EYS: variants seen among roughly 807,000 people sequenced by gnomAD.
EYS encodes the protein EGF-like photoreceptor maintenance factor.
Under a neutral mutation model 282.1 loss-of-function variants are expected in EYS, and 250 were observed. That is an observed-to-expected ratio of 0.89 (90% CI 0.80 to 0.98). The LOEUF is 0.98. Ranked by LOEUF, EYS falls within the 50% of genes least tolerant of loss-of-function variation. The probability of loss-of-function intolerance (pLI) is 0.00; values close to 1 mark genes in which losing one functional copy is unlikely to be tolerated. For synonymous variants in EYS, 1,355 were observed against 1,282.9 expected (o/e 1.06, Z -1.20); for missense variants, 4,016 against 3,709.0 (o/e 1.08, Z -2.15).
chr6:65,581,397 A>G (rs1382720047), intron 2 of EYS, among the ~76,000 whole-genome samples: 1 of 150,412 alleles, frequency 6.6e-6, no homozygotes, highest in Admixed American at 6.7e-5. Context: ...CTATTTCTAT[A>G]CAATCAGAAA....
chr6:65,295,775 T>C, intron 12 of EYS, 88 bp downstream of exon 12: 1 of 1,120,016 alleles, frequency 8.9e-7, no homozygotes, highest in Non-Finnish European at 1.3e-6. Context: ...AATAGACACA[T>C]TTGAGATATA....
intron 29 of EYS, among the ~76,000 whole-genome samples, chr6:64,362,005 A>G (rs1406000960): frequency 6.6e-6 from 1 of 151,768 alleles, no homozygotes; most frequent in East Asian, 1.9e-4. Context: ...TTTCCAGAAA[A>G]ATTTTTAATT....
chr6:65,067,659 A>C (rs1001461979), intron 12 of EYS, among the ~76,000 whole-genome samples: 1 of 152,064 alleles, frequency 6.6e-6, no homozygotes, highest in Non-Finnish European at 1.5e-5. Context: ...ACACCTAAAA[A>C]ATAGAAGATT....
At chr6:64,550,495 C>G (rs958918937) in intron 26 of EYS, among the ~76,000 whole-genome samples, 10 of 152,158 alleles carry the variant, frequency 6.6e-5, no homozygotes, top group Non-Finnish European at 1.2e-4. Flanking sequence ...GACAAATCCA[C>G]AGCCAATATC....
intron 11 of EYS, among the ~76,000 whole-genome samples, chr6:65,333,904 T>G (rs1239039898): frequency 6.7e-6 from 1 of 149,706 alleles, no homozygotes; most frequent in Non-Finnish European, 1.5e-5. Flanking sequence ...CTTGATGCAG[T>G]TTGAATGATA....
chr6:63,945,428 G>C (rs1168934349), intron 35 of EYS, among the ~76,000 whole-genome samples: 3 of 152,198 alleles, frequency 2.0e-5, no homozygotes, highest in African/African-American at 7.2e-5. Context: ...GATGAGAATT[G>C]GGTGGTGACA....
intron 22 of EYS, among the ~76,000 whole-genome samples, chr6:64,662,004 C>A (rs1320226803): frequency 6.6e-6 from 1 of 151,838 alleles, no homozygotes; most frequent in Non-Finnish European, 1.5e-5. Context: ...CAATGATAGA[C>A]TCAATTAAGA....
intron 12 of EYS, among the ~76,000 whole-genome samples, chr6:65,229,284 G>GA (rs1234813798): frequency 3.3e-5 from 5 of 151,418 alleles, no homozygotes; most frequent in Admixed American, 3.3e-4. Context: ...AAAAGAAAAA[G>GA]AAAAAAAGGA....
chr6:64,070,890 C>G (rs559080537), intron 32 of EYS, among the ~76,000 whole-genome samples: 1 of 152,112 alleles, frequency 6.6e-6, no homozygotes, highest in Non-Finnish European at 1.5e-5. Flanking sequence ...TTCATTATGA[C>G]TTTTACACCA....
At chr6:63,767,527 G>C (rs1237826344) in intron 40 of EYS, among the ~76,000 whole-genome samples, 2 of 152,004 alleles carry the variant, frequency 1.3e-5, no homozygotes, top group African/African-American at 4.8e-5. Context: ...AACCAAGGAG[G>C]TGAAAGATCT....
At chr6:64,748,333 C>CAT (rs1772625752) in intron 22 of EYS, among the ~76,000 whole-genome samples, 3 of 152,194 alleles carry the variant, frequency 2.0e-5, no homozygotes, top group South Asian at 4.1e-4. Flanking sequence ...CGACCAGCTT[C>CAT]ATGGAATACA....
intron 15 of EYS, among the ~76,000 whole-genome samples, chr6:64,944,762 A>C (rs1583317633): frequency 1.3e-5 from 2 of 152,198 alleles, no homozygotes; most frequent in South Asian, 4.1e-4. Context: ...ACCCGATTGT[A>C]CATTTGTTCA....
rs752462530 is a variant in EYS at position 63,788,260 on chromosome 6, GA to G, written c.7579-12del. 1.4e-5 allele frequency: 21 copies of G among 1,511,562 alleles called. No homozygotes were observed. The highest frequency in any genetic ancestry group is 6.6e-5 in the South Asian group (5 of 76,268). 93.6% of individuals were successfully genotyped at this position (1,511,562 alleles called of 1,614,324 possible). On this transcript the variant is annotated splice_polypyrimidine_tract_variant and intron_variant, in intron 38 of 42. Transcript: ENST00000503581. ...TTTATGATCATCTACCTTCGAAAGGGAAAAAAAACCTATTAAAAAAGGAATT... is the reference window on the plus strand; with the variant it reads ...TTTATGATCATCTACCTTCGAAAGGGAAAAAAACCTATTAAAAAAGGAATT...
At chr6:65,581,358 A>C (rs1764862834) in intron 2 of EYS, among the ~76,000 whole-genome samples, 1 of 152,126 alleles carries the variant, frequency 6.6e-6, no homozygotes, top group Non-Finnish European at 1.5e-5. Context: ...TTTAAAAGCC[A>C]CTTAACAAAA....
chr6:64,967,450 A>G (rs1481162416), intron 14 of EYS, among the ~76,000 whole-genome samples: 1 of 151,676 alleles, frequency 6.6e-6, no homozygotes, highest in African/African-American at 2.4e-5. Flanking sequence ...TCAGCCTCCC[A>G]AGTAACTGGA....
chr6:64,548,133 G>A (rs1046370159), intron 26 of EYS, among the ~76,000 whole-genome samples: 2 of 152,188 alleles, frequency 1.3e-5, no homozygotes, highest in African/African-American at 4.8e-5. Flanking sequence ...GGGCTGAAGG[G>A]CTCCTCAAGT....
At position 64,490,474 on chromosome 6, in the gene EYS, T is replaced by C. The variant is rs541619178; in HGVS notation, c.5645-51122A>G. Among the ~76,000 whole-genome samples, 251 of 150,976 alleles carry C rather than the reference T, an allele frequency of 1.7e-3. 1 individual carries two copies. Among genetic ancestry groups the C allele is most frequent in the African/African-American group, 5.8e-3 (239 of 41,402 alleles). ...TTTATCATCAATAACAGAGGCAAAC[T>C]CTTATAACTCAGAGTCCAAATATTT... is the stretch of plus-strand genomic sequence containing the variant. On this transcript the variant is annotated intron_variant, in intron 26 of 42. Coordinates refer to ENST00000503581, the MANE Select transcript of EYS (RefSeq NM_001142800.2).
intron 5 of EYS, among the ~76,000 whole-genome samples, chr6:65,483,866 A>G (rs116700129): frequency 0.016 from 2,401 of 152,238 alleles, 61 homozygotes; most frequent in African/African-American, 0.053. Flanking sequence ...GCAAAGACAG[A>G]GAGCTTGTGC....
chr6:65,031,815 A>G (rs1182890473), intron 13 of EYS, among the ~76,000 whole-genome samples: 1 of 151,916 alleles, frequency 6.6e-6, no homozygotes, highest in Admixed American at 6.6e-5. Context: ...CATCACACTC[A>G]GAGGGACCAG....
Sources: gnomAD v4.1 joint callset for allele counts (sites outside exome capture counted in the v4.1 genomes callset) on GRCh38, gnomAD v4.1.1 for gene constraint, MANE v1.5 for transcripts, NCBI Gene and HGNC (gene_info 2026-07-23, HGNC 2026-07-21) for gene names.